Variants in CACNA1D observed in about 807,000 individuals in gnomAD.
CACNA1D encodes calcium voltage-gated channel subunit alpha1 D, also known as voltage-dependent L-type calcium channel subunit alpha-1D.
A neutral mutation model predicts 257.1 loss-of-function variants in CACNA1D; 55 were observed. The ratio of observed to expected loss-of-function variants is 0.21; its 90% CI spans 0.17 to 0.27. The LOEUF is 0.27. CACNA1D is among the 10% of genes least tolerant of loss of function. The probability of loss-of-function intolerance (pLI) is 1.00; values close to 1 mark genes in which losing one functional copy is unlikely to be tolerated. For synonymous variants in CACNA1D, 980 were observed against 1,014.9 expected (o/e 0.97, Z 0.65); for missense variants, 1,876 against 2,784.0 (o/e 0.67, Z 7.34).
At chr3:53,613,348 T>C (rs1195270591) in intron 3 of CACNA1D, among the ~76,000 whole-genome samples, 1 of 152,162 alleles carries the variant, frequency 6.6e-6, no homozygotes, top group African/African-American at 2.4e-5. Context: ...CCCTCTTCCC[T>C]CTTCTTCCTG....
intron 3 of CACNA1D, among the ~76,000 whole-genome samples, chr3:53,555,460 G>GGT (rs1553725645): frequency 2.4e-3 from 189 of 78,370 alleles, no homozygotes; most frequent in Non-Finnish European, 3.1e-3. Flanking sequence ...GTGTGTGTGT[G>GGT]TTTTTTTTTT....
At chr3:53,591,527 T>G (rs2093305420) in intron 3 of CACNA1D, among the ~76,000 whole-genome samples, 1 of 152,172 alleles carries the variant, frequency 6.6e-6, no homozygotes, top group Admixed American at 6.5e-5. Flanking sequence ...GTGCTGGGAT[T>G]ACAGGGGTGA....
intron 3 of CACNA1D, among the ~76,000 whole-genome samples, chr3:53,567,806 A>T (rs1055163077): frequency 6.6e-6 from 1 of 152,214 alleles, no homozygotes; most frequent in Non-Finnish European, 1.5e-5. Flanking sequence ...TGGGCTGTAT[A>T]CACTGTGTAC....
intron 8 of CACNA1D, among the ~76,000 whole-genome samples, chr3:53,696,170 G>C: frequency 6.6e-6 from 1 of 152,174 alleles, no homozygotes; most frequent in East Asian, 1.9e-4. Flanking sequence ...GTCTCACTCT[G>C]TTGCCCATGC....
At chr3:53,561,725 C>T (rs1339810857) in intron 3 of CACNA1D, among the ~76,000 whole-genome samples, 1 of 152,156 alleles carries the variant, frequency 6.6e-6, no homozygotes, top group East Asian at 1.9e-4. Context: ...TCTTTGAACC[C>T]TTATTGGTAT....
chr3:53,564,859 T>G (rs1252731270), intron 3 of CACNA1D, among the ~76,000 whole-genome samples: 1 of 152,228 alleles, frequency 6.6e-6, no homozygotes, highest in African/African-American at 2.4e-5. Context: ...GTTTAAGGAA[T>G]TCTTAAGAAA....
In CACNA1D at chr3:53,800,776, G is replaced by C. The variant is rs1186893917; in HGVS notation, c.5041-282G>C. On this transcript the variant is annotated intron_variant, in intron 41 of 47. Coordinates refer to ENST00000350061, the MANE Select transcript of CACNA1D (RefSeq NM_001128840.3). This position sits in a 1 kb window ranked among gnomAD's most constrained non-coding sequence, Gnocchi z 4.3. ...CTTGGGGCCACCAGCCAGCCCAGCT[G>C]GGTATAAGTCACCCCAACTTGGAGC... 1 of 543,948 alleles carries C rather than the reference G, an allele frequency of 1.8e-6. No homozygotes were observed. The highest frequency in any genetic ancestry group is 3.3e-6 in the Non-Finnish European group (1 of 302,322). 33.7% of individuals were successfully genotyped at this position (543,948 alleles called of 1,614,324 possible). A position where few individuals can be genotyped will look rare whatever the true frequency, so the allele number is the denominator to read the frequency against.
At chr3:53,730,274 T>G (rs1439098599) in intron 15 of CACNA1D, among the ~76,000 whole-genome samples, 168 bp from the exon 16 acceptor site, 1 of 146,268 alleles carries the variant, frequency 6.8e-6, no homozygotes, top group East Asian at 1.9e-4. Context: ...TGTTTTGTTT[T>G]GTTTGAAAAG....
chr3:53,686,561 G>A (rs1238116310), intron 8 of CACNA1D, among the ~76,000 whole-genome samples: 1 of 151,776 alleles, frequency 6.6e-6, no homozygotes, highest in Non-Finnish European at 1.5e-5. Flanking sequence ...CATATTAATA[G>A]AATGAAAGAG....
chr3:53,811,420 G>A lies in CACNA1D; in HGVS notation c.*14G>A. ...ACCACCTTGTAGCCCCCAGCGAGGG[G>A]CAGACTGGCTCTGGCCTCAGGTGGG... is the stretch of plus-strand genomic sequence containing the variant. On this transcript the variant is annotated 3_prime_UTR_variant, in exon 48 of 48. Coordinates refer to ENST00000350061, the MANE Select transcript of CACNA1D (RefSeq NM_001128840.3). This position sits in a 1 kb window ranked among gnomAD's most constrained non-coding sequence, Gnocchi z 4.2. 1 of 1,536,636 alleles carries A rather than the reference G, an allele frequency of 6.5e-7. No homozygotes were observed. The highest frequency in any genetic ancestry group is 8.8e-7 in the Non-Finnish European group (1 of 1,140,718).
intron 3 of CACNA1D, among the ~76,000 whole-genome samples, chr3:53,557,698 A>C (rs1481879972): frequency 6.6e-6 from 1 of 152,212 alleles, no homozygotes; most frequent in Non-Finnish European, 1.5e-5. Context: ...CTCTATTTCC[A>C]GACTCTATTC....
chr3:53,742,491 A>C (rs547183528), intron 21 of CACNA1D, among the ~76,000 whole-genome samples: 2 of 152,270 alleles, frequency 1.3e-5, no homozygotes, highest in South Asian at 4.1e-4. Flanking sequence ...ATTGCTTAAG[A>C]TGGATGCGTC....
At chr3:53,810,384 AGG>A in intron 47 of CACNA1D, 86 bp downstream of exon 47, 5 of 1,333,202 alleles carry the variant, frequency 3.8e-6, no homozygotes, top group Non-Finnish European at 5.4e-6. Flanking sequence ...CAGTGGTGGG[AGG>A]GCGGCCAGGC....
intron 3 of CACNA1D, among the ~76,000 whole-genome samples, chr3:53,544,075 A>G (rs1035675271): frequency 6.6e-6 from 1 of 152,118 alleles, no homozygotes; most frequent in Non-Finnish European, 1.5e-5. Flanking sequence ...TTCATTAAAG[A>G]CCTTGGGACT....
intron 30 of CACNA1D, among the ~76,000 whole-genome samples, chr3:53,768,943 G>A (rs898805990): frequency 6.6e-5 from 10 of 152,228 alleles, no homozygotes; most frequent in Non-Finnish European, 1.0e-4. Flanking sequence ...AACCGGAAGA[G>A]CCTCATTTCT....
chr3:53,747,220 A>T, intron 25 of CACNA1D, 82 bp from the exon 26 acceptor site: 2 of 1,212,506 alleles, frequency 1.6e-6, no homozygotes, highest in Non-Finnish European at 2.4e-6. Flanking sequence ...TGGAGGTTGG[A>T]TTGGGGCAGT....
chr3:53,705,980 T>C (rs1335289645), intron 9 of CACNA1D, among the ~76,000 whole-genome samples: 1 of 152,244 alleles, frequency 6.6e-6, no homozygotes, highest in African/African-American at 2.4e-5. Flanking sequence ...GGGCTGTCTC[T>C]GTGCATCTGA....
intron 3 of CACNA1D, among the ~76,000 whole-genome samples, chr3:53,595,921 A>G (rs72970732): frequency 0.036 from 5,546 of 152,084 alleles, 210 homozygotes; most frequent in African/African-American, 0.083. Context: ...TGTATAGCAA[A>G]ATGTGTTATT....
rs865839919 is a variant in CACNA1D at position 53,639,565 on chromosome 3, T to C, written c.484-11214T>C. Among the ~76,000 whole-genome samples the C allele has an allele frequency of 1.2e-4, 19 of 152,206 alleles. 1 individual carries two copies. The highest frequency in any genetic ancestry group is 4.6e-4 in the African/African-American group (19 of 41,528). On this transcript the variant is annotated intron_variant, in intron 3 of 47. Coordinates refer to ENST00000350061, the MANE Select transcript of CACNA1D (RefSeq NM_001128840.3). The stretch of plus-strand genomic sequence containing the variant: ...CCATGCCCAGCTAATTTTTTGTATT[T>C]TTAGTAGAGATGGGGTTTCACCATG...
Sources: allele counts gnomAD v4.1 joint callset (sites outside exome capture counted in the v4.1 genomes callset), GRCh38; gene constraint gnomAD v4.1.1; non-coding constraint Gnocchi (gnomAD v3.1); transcripts MANE v1.5; gene names NCBI Gene and HGNC (gene_info 2026-07-23, HGNC 2026-07-21).